COL4A5: variants seen among roughly 807,000 people sequenced by gnomAD.
COL4A5 encodes collagen alpha-5(IV) chain.
COL4A5 carries 26 observed loss-of-function variants against 130.2 expected under a neutral mutation model. That is an observed-to-expected ratio of 0.20 (90% CI 0.15 to 0.28). The LOEUF (loss-of-function observed/expected upper bound fraction) is 0.28, where lower values mean the gene tolerates loss of function less well. COL4A5 is among the 10% of genes least tolerant of loss of function. The pLI is 1.00. For synonymous variants in COL4A5, 496 were observed against 439.6 expected (o/e 1.13, Z -1.60); for missense variants, 1,131 against 1,344.3 (o/e 0.84, Z 2.48).
chrX:108,505,038 A>C (rs900782021), intron 1 of COL4A5, among the ~76,000 whole-genome samples: 6 of 112,212 alleles, frequency 5.3e-5, no homozygotes, highest in African/African-American at 1.9e-4. Context: ...GCATCATGGA[A>C]TGCTACTCAA....
intron 1 of COL4A5, among the ~76,000 whole-genome samples, chrX:108,449,642 C>G (rs2064488375): frequency 1.8e-5 from 2 of 111,905 alleles, no homozygotes; most frequent in Admixed American, 1.9e-4. Context: ...AGCTGAGAAG[C>G]CTAAGATCAA....
chrX:108,631,720 C>T (rs1253279330), intron 36 of COL4A5, among the ~76,000 whole-genome samples: 1 of 111,270 alleles, frequency 9.0e-6, no homozygotes, highest in East Asian at 2.8e-4. Flanking sequence ...ACAACCTGCT[C>T]CTAAATGACT....
At chrX:108,541,986 C>T (rs1237578344) in intron 2 of COL4A5, among the ~76,000 whole-genome samples, 3 of 111,753 alleles carry the variant, frequency 2.7e-5, no homozygotes, top group Non-Finnish European at 5.6e-5. Flanking sequence ...CAACCCTGAA[C>T]TAACACAGAT....
intron 1 of COL4A5, among the ~76,000 whole-genome samples, chrX:108,460,869 A>C (rs2147489912): frequency 9.2e-6 from 1 of 108,808 alleles, no homozygotes; most frequent in African/African-American, 3.3e-5. Context: ...AGTTATAGGA[A>C]TTTGGTTAAT....
intron 1 of COL4A5, among the ~76,000 whole-genome samples, chrX:108,462,080 T>C (rs767733313): frequency 2.0e-4 from 22 of 111,924 alleles, no homozygotes; most frequent in African/African-American, 6.5e-4. Context: ...TTCATACCAC[T>C]GTCCTTAAAA....
chrX:108,498,366 A>G (rs1439845362), intron 1 of COL4A5, among the ~76,000 whole-genome samples: 1 of 111,715 alleles, frequency 9.0e-6, no homozygotes, highest in East Asian at 2.8e-4. Flanking sequence ...ATTCATTAAT[A>G]CCACACTGTC....
At chrX:108,520,499 C>T (rs2065254860) in intron 1 of COL4A5, among the ~76,000 whole-genome samples, 1 of 111,379 alleles carries the variant, frequency 9.0e-6, no homozygotes. Context: ...TTTAAAATCT[C>T]CGACTCTGAT....
chrX:108,695,067 C>A (rs1393988577), intron 51 of COL4A5, 146 bp downstream of exon 51: 25 of 662,622 alleles, frequency 3.8e-5, no homozygotes, highest in Non-Finnish European at 2.4e-6. Flanking sequence ...TGTTCCCCCT[C>A]ACACATTTTT....
intron 36 of COL4A5, among the ~76,000 whole-genome samples, chrX:108,636,407 A>G (rs749326846): frequency 9.0e-6 from 1 of 111,198 alleles, no homozygotes; most frequent in South Asian, 3.8e-4. Flanking sequence ...TTTCTTAGCT[A>G]TGACACTAAA....
rs149968453 is a variant in COL4A5 at position 108,670,705 on chromosome X, A to G, written c.3799+469A>G. 1.1e-3 allele frequency: 353 copies of G among 327,486 alleles called. 5 individuals carry two copies. The East Asian group carries it at 0.031, about 28-fold the overall frequency. 27.0% of individuals were successfully genotyped at this position (327,486 alleles called of 1,213,427 possible). ...GGTTTTCAAACTATCCCACCTTCACATTTTGGGTTGTCACAAAGTTCTCAA... is the reference window on the plus strand; with the variant it reads ...GGTTTTCAAACTATCCCACCTTCACGTTTTGGGTTGTCACAAAGTTCTCAA... On this transcript the variant is annotated intron_variant, in intron 42 of 52. Transcript: ENST00000328300.
intron 1 of COL4A5, among the ~76,000 whole-genome samples, chrX:108,527,567 T>C (rs1175972905): frequency 8.9e-6 from 1 of 111,884 alleles, no homozygotes; most frequent in East Asian, 2.8e-4. Flanking sequence ...CCCCACTCTT[T>C]CCAGTGGCAG....
In COL4A5 at chrX:108,568,745, G is replaced by A; in HGVS notation, c.322-14G>A. On this transcript the variant is annotated splice_polypyrimidine_tract_variant and intron_variant, in intron 5 of 52. Coordinates refer to ENST00000328300, the MANE Select transcript of COL4A5 (RefSeq NM_033380.3). ...CTAAGACATATTATACATGTGTTAT[G>A]TCGCTTTTCAAAGGGAATGCCAGGC... 8.3e-7 allele frequency: 1 copy of A among 1,208,964 alleles called. No individual in the cohort carries two copies. The highest frequency in any genetic ancestry group is 1.1e-6 in the Non-Finnish European group (1 of 893,290).
intron 37 of COL4A5, 35 bp downstream of exon 37, chrX:108,655,492 C>T (rs758583813): frequency 4.7e-5 from 56 of 1,200,483 alleles, no homozygotes; most frequent in Non-Finnish European, 5.7e-5. Flanking sequence ...TCCTTCTTTC[C>T]TTCCTTATCT....
In COL4A5 at chrX:108,602,489, C is replaced by T. The variant is rs757025308; in HGVS notation, c.2147-475C>T. On this transcript the variant is annotated intron_variant, in intron 27 of 52. Transcript: ENST00000328300. Reference sequence around the variant, plus strand: ...ACAAATGGCAAGAGCACACAGTGGTCTGAGGACAGTTCTTAAATATATCTT... The same window carrying T: ...ACAAATGGCAAGAGCACACAGTGGTTTGAGGACAGTTCTTAAATATATCTT... Among the ~76,000 whole-genome samples the T allele has an allele frequency of 2.7e-5, 3 of 112,539 alleles. No homozygotes were observed. In the South Asian group the frequency reaches 1.1e-3, roughly 41 times the overall value.
At chrX:108,487,429 C>G (rs1244782351) in intron 1 of COL4A5, among the ~76,000 whole-genome samples, 6 of 108,565 alleles carry the variant, frequency 5.5e-5, no homozygotes, top group Admixed American at 2.0e-4. Flanking sequence ...GAAGTGTTCC[C>G]TTTTCAGCAC....
chrX:108,650,666 G>T (rs2067706424), intron 36 of COL4A5, among the ~76,000 whole-genome samples: 1 of 110,914 alleles, frequency 9.0e-6, no homozygotes, highest in Admixed American at 9.7e-5. Context: ...TCTAAGTGAA[G>T]TAACTCAGGA....
chrX:108,659,327 T>C (rs1003497591), intron 37 of COL4A5, among the ~76,000 whole-genome samples: 1 of 111,341 alleles, frequency 9.0e-6, no homozygotes, highest in Non-Finnish European at 1.9e-5. Flanking sequence ...AGGGTTTATC[T>C]GGGTGAATTT....
intron 1 of COL4A5, among the ~76,000 whole-genome samples, chrX:108,473,633 A>ATATATATATATTTTT: frequency 0.024 from 812 of 34,482 alleles, 53 homozygotes; most frequent in Non-Finnish European, 0.04. Context: ...ATATATATAT[A>ATATATATATATTTTT]TTTTTTTTTT....
At chrX:108,530,529 T>C (rs2065371198) in intron 1 of COL4A5, among the ~76,000 whole-genome samples, 1 of 101,568 alleles carries the variant, frequency 9.8e-6, no homozygotes, top group Non-Finnish European at 2.0e-5. Flanking sequence ...AACAACCCCA[T>C]CAAAAAGTGG....
Sources: allele counts gnomAD v4.1 joint callset (sites outside exome capture counted in the v4.1 genomes callset), GRCh38; gene constraint gnomAD v4.1.1; transcripts MANE v1.5; gene names NCBI Gene and HGNC (gene_info 2026-07-23, HGNC 2026-07-21).